Variants in RAI14 observed in about 807,000 individuals in gnomAD.
RAI14 encodes retinoic acid induced 14, also known as ankycorbin.
In RAI14, 45 loss-of-function variants were observed where a neutral mutation model predicts 115.4. The ratio of observed to expected loss-of-function variants is 0.39; its 90% CI spans 0.31 to 0.50. The LOEUF (loss-of-function observed/expected upper bound fraction) is 0.50, where lower values mean the gene tolerates loss of function less well. Among genes scored for constraint, RAI14 ranks in the 20% least tolerant of loss-of-function variants. The pLI is 0.85. For missense variants in RAI14, 939 were observed against 1,131.2 expected, an observed-to-expected ratio of 0.83 and a Z score of 2.44; for synonymous variants, 371 against 415.4, an observed-to-expected ratio of 0.89 and a Z score of 1.30.
intron 1 of RAI14, among the ~76,000 whole-genome samples, chr5:34,658,541 C>T (rs1044991378): frequency 6.6e-6 from 1 of 151,972 alleles, no homozygotes; most frequent in African/African-American, 2.4e-5. Context: ...GCCTGTAATC[C>T]CAGCACTTTG....
chr5:34,697,931 AC>A (rs1395201680), intron 2 of RAI14, among the ~76,000 whole-genome samples: 3 of 152,106 alleles, frequency 2.0e-5, no homozygotes, highest in African/African-American at 7.2e-5. Context: ...TAGACATGTA[AC>A]TTTATTAATA....
chr5:34,817,240 G>A (rs914794128), intron 12 of RAI14, among the ~76,000 whole-genome samples: 10 of 133,264 alleles, frequency 7.5e-5, no homozygotes, highest in African/African-American at 2.9e-4. Flanking sequence ...TTGTGCCACT[G>A]CACTCCAGTC....
intron 3 of RAI14, among the ~76,000 whole-genome samples, chr5:34,782,400 C>T (rs1288981387): frequency 1.3e-5 from 2 of 152,220 alleles, no homozygotes; most frequent in Non-Finnish European, 2.9e-5. Flanking sequence ...AAAGCACAGT[C>T]ATCATTGAAA....
intron 2 of RAI14, among the ~76,000 whole-genome samples, chr5:34,751,843 C>A (rs995118779): frequency 6.6e-6 from 1 of 152,218 alleles, no homozygotes; most frequent in African/African-American, 2.4e-5. Flanking sequence ...GAATTCTTCT[C>A]TTCACAGGCC....
rs1580376890 is a variant in RAI14, at chr5:34,824,904, A to T, written c.2649+413A>T. On this transcript the variant is annotated intron_variant, in intron 15 of 17. Coordinates refer to ENST00000265109, the MANE Select transcript of RAI14 (RefSeq NM_015577.3). ...GGTTGCAGTGAGCCAAGATCAGGCC[A>T]CTGCACTCCAGCCTGGGCAACAGAG... 2.0e-5 allele frequency among the ~76,000 whole-genome samples: 3 copies of T among 146,484 alleles called. No homozygotes were observed. In the South Asian group the frequency reaches 6.5e-4, roughly 32 times the overall value.
chr5:34,738,343 C>T (rs995290011), intron 2 of RAI14, among the ~76,000 whole-genome samples: 2 of 152,220 alleles, frequency 1.3e-5, no homozygotes, highest in African/African-American at 4.8e-5. Flanking sequence ...TATTGTTCTA[C>T]AGTTTGCTAT....
chr5:34,706,474 A>G (rs764189239), intron 2 of RAI14, among the ~76,000 whole-genome samples: 3 of 152,198 alleles, frequency 2.0e-5, no homozygotes, highest in Non-Finnish European at 4.4e-5. Context: ...GTTCTTGCTC[A>G]AAATATCTCA....
intron 15 of RAI14, among the ~76,000 whole-genome samples, chr5:34,825,463 C>A (rs539213689): frequency 1.2e-4 from 19 of 152,140 alleles, no homozygotes; most frequent in Non-Finnish European, 2.2e-4. Flanking sequence ...GGATTCAGAA[C>A]AGATTCCTCC....
At chr5:34,677,442 C>G (rs922132596) in intron 1 of RAI14, among the ~76,000 whole-genome samples, 1 of 152,052 alleles carries the variant, frequency 6.6e-6, no homozygotes, top group African/African-American at 2.4e-5. Flanking sequence ...TGAGCCACCA[C>G]ACCTGGCCGT....
chr5:34,683,771 A>G (rs1471605408), intron 1 of RAI14, among the ~76,000 whole-genome samples: 1 of 150,948 alleles, frequency 6.6e-6, no homozygotes, highest in Non-Finnish European at 1.5e-5. Context: ...TCTGTCGCCC[A>G]GGGTGGAGTG....
intron 7 of RAI14, 145 bp downstream of exon 7, chr5:34,808,799 C>T (rs1755226933): frequency 1.3e-6 from 1 of 743,606 alleles, no homozygotes; most frequent in Non-Finnish European, 2.2e-6. Flanking sequence ...ATAATTTTTC[C>T]ATGGATGGGG....
intron 2 of RAI14, among the ~76,000 whole-genome samples, chr5:34,729,595 C>G (rs1173117380): frequency 1.3e-5 from 2 of 152,114 alleles, no homozygotes; most frequent in African/African-American, 4.8e-5. Context: ...TCTGGTCAGC[C>G]TCTAAATCCT....
Position 34,813,638 on chromosome 5 carries a change from C to A in RAI14, c.830C>A (p.Pro277Gln), listed in dbSNP as rs1433725438. 1 of 1,612,380 alleles carries A rather than the reference C, an allele frequency of 6.2e-7. No homozygotes were observed. ...SGTPKKRKAPPPPISPTQLSD... is the reference protein window; with the variant it reads ...SGTPKKRKAPQPPISPTQLSD... Reference sequence around the variant, plus strand: ...ACTCCAAAAAAACGCAAAGCTCCACCACCTCCTATCAGTCCTACCCAGGTA... The same window carrying A: ...ACTCCAAAAAAACGCAAAGCTCCACAACCTCCTATCAGTCCTACCCAGGTA... The change falls in exon 11 of 18, where the codon CCA becomes CAA. Residue 277 changes from proline to glutamine, a missense_variant. By Grantham distance (76) the Pro-to-Gln change is moderately conservative. Coordinates refer to ENST00000265109, the MANE Select transcript of RAI14 (RefSeq NM_015577.3).
chr5:34,773,863 C>G (rs1750499413), intron 3 of RAI14, among the ~76,000 whole-genome samples: 1 of 152,180 alleles, frequency 6.6e-6, no homozygotes, highest in Admixed American at 6.6e-5. Flanking sequence ...AAAATTAGAA[C>G]TACTGTACAT....
chr5:34,738,904 A>G (rs1480095544), intron 2 of RAI14, among the ~76,000 whole-genome samples: 1 of 152,206 alleles, frequency 6.6e-6, no homozygotes. Context: ...TTTTCCCCTA[A>G]GTTCAAACCT....
At position 34,752,749 on chromosome 5, in the gene RAI14, G is replaced by GTGTGTGTA. The variant is rs371462831; in HGVS notation, c.37-4718_37-4717insGTGTGTAT. Among the ~76,000 whole-genome samples, 45 of 107,052 alleles carry GTGTGTGTA rather than the reference G, an allele frequency of 4.2e-4. 1 individual carries two copies. The highest frequency in any genetic ancestry group is 1.3e-3 in the South Asian group (4 of 3,146). The allele number at this position is 107,052 out of a possible 152,430, so 70.2% of individuals were successfully genotyped here. A position where few individuals can be genotyped will look rare whatever the true frequency, so the allele number is the denominator to read the frequency against. ...TGTGTGTGTGTGTGTGTGTGTGTGT[G>GTGTGTGTA]TATATATATATATATATGTATCTTT... On this transcript the variant is annotated intron_variant, in intron 2 of 17. Coordinates refer to ENST00000265109, the MANE Select transcript of RAI14 (RefSeq NM_015577.3).
At chr5:34,691,792 A>G (rs930707194) in intron 2 of RAI14, among the ~76,000 whole-genome samples, 2 of 152,226 alleles carry the variant, frequency 1.3e-5, no homozygotes, top group Non-Finnish European at 2.9e-5. Flanking sequence ...CATTAAAAAA[A>G]TCAAAACAGC....
chr5:34,747,498 A>C (rs1005215881), intron 2 of RAI14, among the ~76,000 whole-genome samples: 5 of 152,228 alleles, frequency 3.3e-5, no homozygotes, highest in Non-Finnish European at 5.9e-5. Flanking sequence ...TTCTATGCCA[A>C]GCACTTCACA....
intron 3 of RAI14, among the ~76,000 whole-genome samples, chr5:34,769,499 G>A (rs1025170162): frequency 1.3e-5 from 2 of 152,134 alleles, no homozygotes; most frequent in Admixed American, 6.6e-5. Flanking sequence ...TTCTGTGTGC[G>A]CTAAGCCTCA....
Sources: gnomAD v4.1 joint callset for allele counts (sites outside exome capture counted in the v4.1 genomes callset) on GRCh38, gnomAD v4.1.1 for gene constraint, MANE v1.5 for transcripts, NCBI Gene and HGNC (gene_info 2026-07-23, HGNC 2026-07-21) for gene names.